XKR9: variants seen among roughly 807,000 people sequenced by gnomAD.
XKR9 encodes the protein XK-related protein 9.
Under a neutral mutation model 32.0 loss-of-function variants are expected in XKR9, and 32 were observed. That is an observed-to-expected ratio of 1.00 (90% CI 0.76 to 1.34). XKR9 has a LOEUF of 1.34. Among genes scored for constraint, XKR9 ranks in the 40% most tolerant of loss-of-function variants. The pLI is 0.00. For missense variants in XKR9, 546 were observed against 429.7 expected, an observed-to-expected ratio of 1.27 and a Z score of -2.39; for synonymous variants, 168 against 143.4, an observed-to-expected ratio of 1.17 and a Z score of -1.22.
the XKR9 span, among the ~76,000 whole-genome samples, chr8:70,902,140 T>C: frequency 2.0e-5 from 3 of 152,232 alleles, no homozygotes; most frequent in East Asian, 3.9e-4. Context: ...ATGTGGGCTC[T>C]TTTTTGGTTC....
intron 2 of XKR9, among the ~76,000 whole-genome samples, chr8:70,786,167 A>G (rs985582538): frequency 2.0e-5 from 3 of 152,176 alleles, no homozygotes; most frequent in Admixed American, 2.0e-4. Flanking sequence ...CTTCTTAAAT[A>G]TGCTGAGGCT....
chr8:70,801,378 C>A, the XKR9 span, among the ~76,000 whole-genome samples: 3 of 152,166 alleles, frequency 2.0e-5, no homozygotes, highest in Non-Finnish European at 4.4e-5. Flanking sequence ...TCTTTGTTTT[C>A]ATTGGTTTCA....
chr8:70,908,955 A>C, the XKR9 span, among the ~76,000 whole-genome samples: 5 of 152,164 alleles, frequency 3.3e-5, no homozygotes, highest in African/African-American at 9.7e-5. Context: ...CTGATTCAGG[A>C]GGTCTGTATG....
intron 3 of XKR9, among the ~76,000 whole-genome samples, chr8:70,697,769 C>T (rs1805340254): frequency 1.3e-5 from 2 of 151,718 alleles, no homozygotes; most frequent in Non-Finnish European, 2.9e-5. Flanking sequence ...GTACCAGTTC[C>T]TCCTTGTACC....
the XKR9 span, among the ~76,000 whole-genome samples, chr8:70,973,018 T>C: frequency 2.0e-5 from 3 of 152,188 alleles, no homozygotes; most frequent in African/African-American, 4.8e-5. Context: ...CCCTATCTTT[T>C]GGAATAGCAT....
the XKR9 span, among the ~76,000 whole-genome samples, chr8:70,938,772 A>G: frequency 1.5e-4 from 23 of 152,168 alleles, no homozygotes; most frequent in African/African-American, 5.3e-4. Flanking sequence ...CCAGCTGGAC[A>G]TCTTCTCCCC....
At chr8:70,889,188 G>C in the XKR9 span, among the ~76,000 whole-genome samples, 1 of 150,822 alleles carries the variant, frequency 6.6e-6, no homozygotes, top group Non-Finnish European at 1.5e-5. Context: ...TTTATTCCTC[G>C]GTGGTTTATT....
chr8:70,731,163 C>G (rs193132373), intron 4 of XKR9, among the ~76,000 whole-genome samples: 1 of 152,280 alleles, frequency 6.6e-6, no homozygotes, highest in East Asian at 1.9e-4. Context: ...ACAAAGCACA[C>G]CAGATTTGCT....
chr8:71,053,076 C>A, the XKR9 span, among the ~76,000 whole-genome samples: 1 of 152,162 alleles, frequency 6.6e-6, no homozygotes, highest in Non-Finnish European at 1.5e-5. Flanking sequence ...GGAAATTGTG[C>A]AAATGGATCT....
At chr8:70,942,636 A>G in the XKR9 span, among the ~76,000 whole-genome samples, 1 of 152,120 alleles carries the variant, frequency 6.6e-6, no homozygotes, top group Admixed American at 6.6e-5. Flanking sequence ...TTGGAGTTTA[A>G]ATCACACTTA....
chr8:70,722,561 A>G (rs1461771535), intron 4 of XKR9, among the ~76,000 whole-genome samples: 1 of 152,118 alleles, frequency 6.6e-6, no homozygotes, highest in Non-Finnish European at 1.5e-5. Flanking sequence ...TATGAAACTT[A>G]GTTTGGCTGG....
the XKR9 span, among the ~76,000 whole-genome samples, chr8:70,936,552 T>C: frequency 6.6e-6 from 1 of 152,118 alleles, no homozygotes; most frequent in Middle Eastern, 3.2e-3. Flanking sequence ...GGATGGACAG[T>C]GTAATTGTCT....
intron 2 of XKR9, among the ~76,000 whole-genome samples, chr8:70,769,724 C>T (rs976530717): frequency 6.6e-6 from 1 of 151,488 alleles, no homozygotes; most frequent in East Asian, 1.9e-4. Flanking sequence ...TCTGCTTGAT[C>T]GATTTGACTC....
At chr8:70,726,888 T>G (rs1806487881) in intron 4 of XKR9, among the ~76,000 whole-genome samples, 1 of 152,164 alleles carries the variant, frequency 6.6e-6, no homozygotes, top group South Asian at 2.1e-4. Flanking sequence ...GCTCCTCCTC[T>G]CATCAAACAA....
At chr8:70,676,087 G>A (rs1156547541) in intron 2 of XKR9, among the ~76,000 whole-genome samples, 2 of 152,174 alleles carry the variant, frequency 1.3e-5, no homozygotes, top group Non-Finnish European at 2.9e-5. Context: ...CAAAGTGCCA[G>A]AATCTGCTTT....
At chr8:70,917,505 T>TTGACTTTATGA in the XKR9 span, among the ~76,000 whole-genome samples, 3 of 152,142 alleles carry the variant, frequency 2.0e-5, no homozygotes, top group Non-Finnish European at 2.9e-5. Flanking sequence ...ATGGGTTTAT[T>TTGACTTTATGA]TGGGTATTAA....
At chr8:70,872,852 G>T in the XKR9 span, among the ~76,000 whole-genome samples, 1 of 152,126 alleles carries the variant, frequency 6.6e-6, no homozygotes, top group Non-Finnish European at 1.5e-5. Context: ...TAGAGATGGG[G>T]TTTCTCCATG....
chr8:70,871,665 C>A, the XKR9 span, among the ~76,000 whole-genome samples: 2 of 152,090 alleles, frequency 1.3e-5, no homozygotes, highest in Non-Finnish European at 2.9e-5. Flanking sequence ...TCTCCTTGGG[C>A]CTTCCTGTTC....
intron 1 of XKR9, among the ~76,000 whole-genome samples, chr8:70,669,909 G>T (rs1028811582): frequency 6.6e-6 from 1 of 151,652 alleles, no homozygotes; most frequent in African/African-American, 2.4e-5. Context: ...CTCGTGATCC[G>T]CCCGCCTCGG....
Sources: allele counts gnomAD v4.1 joint callset (sites outside exome capture counted in the v4.1 genomes callset), GRCh38; gene constraint gnomAD v4.1.1; transcripts MANE v1.5; gene names NCBI Gene and HGNC (gene_info 2026-07-23, HGNC 2026-07-21).